Variants in AGT observed in about 807,000 individuals in gnomAD.
AGT encodes the protein angiotensinogen.
Under a neutral mutation model 28.1 loss-of-function variants are expected in AGT, and 26 were observed. That is an observed-to-expected ratio of 0.92 (90% confidence interval 0.68 to 1.28). The LOEUF (loss-of-function observed/expected upper bound fraction) is 1.28, where lower values mean the gene tolerates loss of function less well. Among genes scored for constraint, AGT ranks in the 50% most tolerant of loss-of-function variants. The pLI is 0.00. For synonymous variants in AGT, 259 were observed against 259.6 expected (o/e 1.00, Z 0.02); for missense variants, 596 against 592.3 (o/e 1.01, Z -0.06).
At position 230,710,331 on chromosome 1, in the gene AGT, G is replaced by A. The variant is rs774944406; in HGVS notation, c.493C>T (p.Arg165Trp). Reference protein sequence around the residue: ...VPWKDKNCTSRLDAHKVLSAL... With the variant: ...VPWKDKNCTSWLDAHKVLSAL... The stretch of plus-strand genomic sequence containing the variant: ...GACAGGACCTTGTGCGCATCCAGCC[G>A]GGAGGTGCAGTTCTTGTCCTTCCAA... Residue 165 changes from arginine to tryptophan, a missense_variant, in exon 2 of 5, where the codon CGG (arginine) becomes TGG (tryptophan). Transcript: ENST00000366667. 5.6e-6 allele frequency: 9 copies of A among 1,613,978 alleles called. No individual in the cohort carries two copies. Among genetic ancestry groups the A allele is most frequent in the Admixed American group, 5.0e-5 (3 of 60,012 alleles).
In AGT at chr1:230,710,275, C is replaced by T; in HGVS notation, c.549G>A (p.Val183=). The change falls in exon 2 of 5, where the codon GTG becomes GTA. Residue 183 remains valine (V), a synonymous_variant. Transcript: ENST00000366667. ...CCTGGCTATCAGCCCTGCCCTGGGC[C>T]ACTAGCAGGCCCTGTACAGCCTGCA... ...SALQAVQGLL[V]AQGRADSQAQ... The T allele has an allele frequency of 6.2e-7, 1 of 1,613,878 alleles. No homozygotes were observed. The highest frequency in any genetic ancestry group is 8.5e-7 in the Non-Finnish European group (1 of 1,180,016).
chr1:230,710,642 G>A lies in AGT; in HGVS notation c.182C>T (p.Ala61Val). 3.7e-6 allele frequency: 6 copies of A among 1,614,256 alleles called. No homozygotes were observed. Among genetic ancestry groups the A allele is most frequent in the African/African-American group, 2.7e-5 (2 of 75,074 alleles). ...GKPKDPTFIP[A>V]PIQAKTSPVD... ...AGGGGATGTCTTGGCCTGAATTGGA[G>A]CAGGTATGAAGGTGGGGTCTTTGGG... The change falls in exon 2 of 5, where the codon GCT becomes GTT. Residue 61 changes from alanine (A) to valine (V), a missense_variant. Ala to Val is a moderately conservative substitution (Grantham distance 64). Coordinates refer to ENST00000366667, the MANE Select transcript of AGT (RefSeq NM_001384479.1).
chr1:230,738,921 G>T (rs540627593), intron 1 of AGT, among the ~76,000 whole-genome samples: 2 of 151,898 alleles, frequency 1.3e-5, no homozygotes, highest in African/African-American at 4.8e-5. Context: ...GTAGTCAAAG[G>T]ACTTTTAAAA....
intron 1 of AGT, among the ~76,000 whole-genome samples, chr1:230,737,294 A>T (rs1401608498): frequency 6.6e-6 from 1 of 152,062 alleles, no homozygotes; most frequent in African/African-American, 2.4e-5. Context: ...TAAGAATAAT[A>T]CTTAGAAATT....
intron 3 of AGT, among the ~76,000 whole-genome samples, chr1:230,705,718 A>C (rs893956063): frequency 2.6e-5 from 4 of 152,242 alleles, no homozygotes; most frequent in Non-Finnish European, 4.4e-5. Flanking sequence ...CCTTGCCTGC[A>C]CTTGAAAGAC....
rs1413522844 is a variant in AGT, at chr1:230,705,980, G to C, written c.1050C>G (p.Leu350=). ...YASDLDKVEG[L]TFQQNSLNWM... is the part of the protein sequence containing the mutation. Reference sequence around the variant, plus strand: ...AGTTGAGGGAGTTTTGCTGGAAAGTGAGACCCTCCACCTTGTCCAGGTCAG... The same window carrying C: ...AGTTGAGGGAGTTTTGCTGGAAAGTCAGACCCTCCACCTTGTCCAGGTCAG... Residue 350 remains leucine (L), a synonymous_variant, in exon 3 of 5, where the codon CTC becomes CTG. Coordinates refer to ENST00000366667, the MANE Select transcript of AGT (RefSeq NM_001384479.1). The C allele has an allele frequency of 6.2e-7, 1 of 1,614,170 alleles. No individual in the cohort carries two copies. The highest frequency in any genetic ancestry group is 1.7e-5 in the Admixed American group (1 of 60,030).
At chr1:230,712,298 G>A (rs779575059) in intron 1 of AGT, among the ~76,000 whole-genome samples, 2 of 152,094 alleles carry the variant, frequency 1.3e-5, no homozygotes, top group South Asian at 2.1e-4. Flanking sequence ...ACCCAGACCC[G>A]TAACCAGCAC....
Position 230,738,610 on chromosome 1 carries a change from C to T in AGT, c.-31+6905G>A, listed in dbSNP as rs113871318. 1.6e-3 allele frequency among the ~76,000 whole-genome samples: 248 copies of T among 152,264 alleles called. 3 individuals carry two copies. The highest frequency in any genetic ancestry group is 5.8e-3 in the African/African-American group (242 of 41,550). ...TAGTTCTCTTCCTGAGCCTTCCATC[C>T]ACACAAATATTAGGTATGCTTGCTG... On this transcript the variant is annotated intron_variant, in intron 1 of 4. Transcript: ENST00000681269.
chr1:230,712,717 A>AT (rs1663631527), intron 1 of AGT, among the ~76,000 whole-genome samples: 1 of 152,202 alleles, frequency 6.6e-6, no homozygotes, highest in African/African-American at 2.4e-5. Flanking sequence ...TCCATGGGCC[A>AT]TTTTTGAGGC....
chr1:230,740,871 C>T (rs945727801), intron 1 of AGT, among the ~76,000 whole-genome samples: 7 of 152,164 alleles, frequency 4.6e-5, no homozygotes, highest in African/African-American at 1.4e-4. Context: ...ATAGCTTGAA[C>T]CCGGGAGGTG....
intron 1 of AGT, among the ~76,000 whole-genome samples, chr1:230,711,682 C>T (rs941528673): frequency 6.6e-5 from 10 of 152,114 alleles, no homozygotes; most frequent in Non-Finnish European, 1.3e-4. Flanking sequence ...GTATTTCCCA[C>T]GTGTCTCAAC....
At chr1:230,709,937 C>T (rs747286704) in intron 2 of AGT, 58 bp downstream of exon 2, 7 of 1,611,622 alleles carry the variant, frequency 4.3e-6, no homozygotes, top group Non-Finnish European at 5.9e-6. Flanking sequence ...TGGCTGATCT[C>T]AGCTACACAT....
Position 230,710,045 on chromosome 1 carries a change from C to G in AGT, c.779G>C (p.Gly260Ala). 2 of 1,614,066 alleles carry G rather than the reference C, an allele frequency of 1.2e-6. No homozygotes were observed. The highest frequency in any genetic ancestry group is 8.5e-7 in the Non-Finnish European group (1 of 1,180,010). The change falls in exon 2 of 5, where the codon GGA becomes GCA. Residue 260 changes from glycine (G) to alanine (A), a missense_variant. Transcript: ENST00000366667. ...AGCCAGGGTGCTGTCCACACTGGCT[C>G]CCATCAGGGAGCAGCCAGTCTTCCA... ...TGWKTGCSLM[G>A]ASVDSTLAFN...
intron 1 of AGT, among the ~76,000 whole-genome samples, chr1:230,742,082 C>T (rs569716336): frequency 6.6e-6 from 1 of 152,046 alleles, no homozygotes; most frequent in East Asian, 1.9e-4. Flanking sequence ...AAAATTCAAC[C>T]AGGTAAATCT....
chr1:230,734,608 GTA>G (rs994724537), intron 1 of AGT, among the ~76,000 whole-genome samples: 9 of 132,312 alleles, frequency 6.8e-5, no homozygotes, highest in Admixed American at 2.4e-4. Flanking sequence ...TATGGTGTGT[GTA>G]TGTGTGTGTG....
chr1:230,709,269 A>G (rs1663499419), intron 2 of AGT, among the ~76,000 whole-genome samples: 1 of 152,180 alleles, frequency 6.6e-6, no homozygotes. Context: ...TGTTAAATGA[A>G]TGCTTTAAGC....
In AGT at chr1:230,702,714, CTAAA is replaced by C. The variant is rs1239355535; in HGVS notation, c.*423_*426del. The C allele has an allele frequency of 4.5e-6, 1 of 220,132 alleles. No individual in the cohort carries two copies. The highest frequency in any genetic ancestry group is 9.2e-6 in the Non-Finnish European group (1 of 108,424). 13.6% of individuals were successfully genotyped at this position (220,132 alleles called of 1,614,324 possible). On this transcript the variant is annotated 3_prime_UTR_variant, in exon 5 of 5. Coordinates refer to ENST00000366667, the MANE Select transcript of AGT (RefSeq NM_001384479.1). ...AGGTCATGTTCTTACATTCAAGACA[CTAAA>C]TACAAACCGAAGGCAATGCAAAAAT...
Position 230,703,115 on chromosome 1 carries a change from A to T in AGT, c.*26T>A. 9.3e-6 allele frequency: 15 copies of T among 1,611,284 alleles called. No homozygotes were observed. The highest frequency in any genetic ancestry group is 1.3e-5 in the Non-Finnish European group (15 of 1,178,778). On this transcript the variant is annotated 3_prime_UTR_variant, in exon 5 of 5. Transcript: ENST00000366667. ...AAAGGCCAGGGGCAGAGGCCTTGCC[A>T]GGCACTGTGTTCTGGGGCCCTGGCC... is the stretch of plus-strand genomic sequence containing the variant.
intron 1 of AGT, among the ~76,000 whole-genome samples, chr1:230,730,216 C>T (rs1664028375): frequency 6.6e-6 from 1 of 151,696 alleles, no homozygotes; most frequent in Non-Finnish European, 1.5e-5. Flanking sequence ...CTACCATGCC[C>T]GGCTATTTTT....
Sources: allele counts gnomAD v4.1 joint callset (sites outside exome capture counted in the v4.1 genomes callset), GRCh38; gene constraint gnomAD v4.1.1; transcripts MANE v1.5; gene names NCBI Gene and HGNC (gene_info 2026-07-23, HGNC 2026-07-21).